Variants in SHC3 observed in about 807,000 individuals in gnomAD.
SHC3 encodes SHC-transforming protein 3.
In SHC3, 15 loss-of-function variants were observed where a neutral mutation model predicts 60.4. That is an observed-to-expected ratio of 0.25 (90% CI 0.17 to 0.38). The LOEUF (loss-of-function observed/expected upper bound fraction) is 0.38, where lower values mean the gene tolerates loss of function less well. Ranked by LOEUF, SHC3 falls within the 10% of genes least tolerant of loss-of-function variation. The pLI is 1.00. For missense variants in SHC3, 677 were observed against 786.1 expected (o/e 0.86, Z 1.66); for synonymous variants, 294 against 325.9 (o/e 0.90, Z 1.05).
chr9:89,069,095 G>A (rs558265037), intron 5 of SHC3, among the ~76,000 whole-genome samples: 2 of 152,308 alleles, frequency 1.3e-5, no homozygotes, highest in South Asian at 4.1e-4. Flanking sequence ...GACCACTTAA[G>A]CCCAGAGTTT....
At position 89,006,503 on chromosome 9, in the gene SHC3, G is replaced by A. The variant is rs562427224; in HGVS notation, c.*6944C>T. The A allele has an allele frequency of 2.0e-5, 3 of 152,314 alleles. No homozygotes were observed. The South Asian group carries it at 6.2e-4, about 32-fold the overall frequency. The allele number at this position is 152,314 out of a possible 1,614,324, so 9.4% of individuals were successfully genotyped here. ...GTAGAAAGTGGTGAATTGGCAATAC[G>A]CCAAGACATAGACTGTTACAGTAAT... On this transcript the variant is annotated 3_prime_UTR_variant, in exon 12 of 12. Transcript: ENST00000375835.
At chr9:89,119,486 C>T (rs568202687) in intron 1 of SHC3, among the ~76,000 whole-genome samples, 1 of 151,590 alleles carries the variant, frequency 6.6e-6, no homozygotes, top group East Asian at 1.9e-4. Context: ...CAGACAAATG[C>T]TAGCAAAAGA....
chr9:89,135,885 A>G (rs1826311788), intron 1 of SHC3, among the ~76,000 whole-genome samples: 1 of 152,144 alleles, frequency 6.6e-6, no homozygotes, highest in Non-Finnish European at 1.5e-5. Context: ...AAGCCTTCTT[A>G]TTTAGTTTAC....
intron 11 of SHC3, among the ~76,000 whole-genome samples, chr9:89,014,394 G>A (rs894058715): frequency 2.0e-5 from 3 of 152,116 alleles, no homozygotes; most frequent in Non-Finnish European, 1.5e-5. Context: ...GCAATTTTTC[G>A]AGGAGGTCTG....
chr9:89,053,299 C>T (rs1165277236), intron 6 of SHC3, among the ~76,000 whole-genome samples: 1 of 152,198 alleles, frequency 6.6e-6, no homozygotes, highest in African/African-American at 2.4e-5. Context: ...GAGGAGGATG[C>T]ATTTCTTCAT....
At chr9:89,115,785 C>A (rs924150699) in intron 1 of SHC3, among the ~76,000 whole-genome samples, 1 of 152,130 alleles carries the variant, frequency 6.6e-6, no homozygotes, top group Admixed American at 6.5e-5. Context: ...TATATGACCA[C>A]CAGCAACAAC....
rs755004897 is a variant in SHC3, at chr9:89,007,325, T to C, written c.*6122A>G. 3.9e-5 allele frequency: 6 copies of C among 152,294 alleles called. No individual in the cohort carries two copies. The highest frequency in any genetic ancestry group is 5.9e-5 in the Non-Finnish European group (4 of 68,078). 9.4% of individuals were successfully genotyped at this position (152,294 alleles called of 1,614,324 possible). A position where few individuals can be genotyped will look rare whatever the true frequency, so the allele number is the denominator to read the frequency against. On this transcript the variant is annotated 3_prime_UTR_variant, in exon 12 of 12. Transcript: ENST00000375835. ...AGCCTCCAGAGTCCCCAGACTGACCTGGGCACTCCACCCTTGCTGGTTCTA... is the reference window on the plus strand; with the variant it reads ...AGCCTCCAGAGTCCCCAGACTGACCCGGGCACTCCACCCTTGCTGGTTCTA...
At chr9:89,056,720 C>T (rs1237877465) in intron 6 of SHC3, among the ~76,000 whole-genome samples, 1 of 152,262 alleles carries the variant, frequency 6.6e-6, no homozygotes, top group Non-Finnish European at 1.5e-5. Flanking sequence ...TCCTGCCCTT[C>T]CTCTGCTATT....
At position 89,046,859 on chromosome 9, in the gene SHC3, A is replaced by G. The variant is rs747071231; in HGVS notation, c.1098T>C (p.Ala366=). The G allele has an allele frequency of 1.2e-6, 2 of 1,604,130 alleles. No homozygotes were observed. The highest frequency in any genetic ancestry group is 8.5e-7 in the Non-Finnish European group (1 of 1,175,824). ...TAAGACTTACCTGGGCTGTGTCAGGAGCATGGGGTCTGGGTTTCAGTCTAG... is the reference window on the plus strand; with the variant it reads ...TAAGACTTACCTGGGCTGTGTCAGGGGCATGGGGTCTGGGTTTCAGTCTAG... ...LDTRLKPRPH[A]PDTAQFAGKE... The change falls in exon 8 of 12, where the codon GCT becomes GCC. Residue 366 remains alanine, a synonymous_variant. Transcript: ENST00000375835.
chr9:89,168,884 T>A (rs1190712453), intron 1 of SHC3, among the ~76,000 whole-genome samples: 1 of 152,144 alleles, frequency 6.6e-6, no homozygotes, highest in Non-Finnish European at 1.5e-5. Context: ...TAGGAGAGAA[T>A]TCCTCTTGTT....
chr9:89,086,603 G>A (rs1026901802), intron 2 of SHC3, among the ~76,000 whole-genome samples: 1 of 152,134 alleles, frequency 6.6e-6, no homozygotes, highest in Non-Finnish European at 1.5e-5. Flanking sequence ...TGATCATATA[G>A]GCAAGATTCA....
chr9:89,145,270 A>C lies in SHC3; in HGVS notation c.475-32644T>G, dbSNP rs116945042. 7.2e-3 allele frequency among the ~76,000 whole-genome samples: 1,092 copies of C among 152,376 alleles called. 33 individuals carry two copies. The highest frequency in any genetic ancestry group is 0.068 in the East Asian group (354 of 5,190). ...CATGCATACATCAGAGGACTGACGC[A>C]TTAGCACAGAGAGCACTAAGAGACC... On this transcript the variant is annotated intron_variant, in intron 1 of 11. Transcript: ENST00000375835.
chr9:89,145,294 C>T (rs1215430688), intron 1 of SHC3, among the ~76,000 whole-genome samples: 4 of 152,156 alleles, frequency 2.6e-5, no homozygotes, highest in Non-Finnish European at 5.9e-5. Context: ...CACTAAGAGA[C>T]CGAAAGTAAA....
intron 11 of SHC3, among the ~76,000 whole-genome samples, chr9:89,028,586 C>T (rs1264956440): frequency 6.9e-6 from 1 of 144,262 alleles, no homozygotes; most frequent in African/African-American, 2.6e-5. Context: ...ATATATTACA[C>T]ACATGTTTAT....
intron 2 of SHC3, among the ~76,000 whole-genome samples, chr9:89,089,552 G>A (rs78973571): frequency 0.014 from 2,080 of 152,186 alleles, 21 homozygotes; most frequent in South Asian, 0.034. Flanking sequence ...TATGCCCCCC[G>A]ACACACTGAA....
At chr9:89,124,262 C>A (rs2118148423) in intron 1 of SHC3, among the ~76,000 whole-genome samples, 1 of 152,286 alleles carries the variant, frequency 6.6e-6, no homozygotes. Context: ...TTAGTTCAGC[C>A]ATTGTGGAAG....
intron 6 of SHC3, among the ~76,000 whole-genome samples, chr9:89,062,546 A>G (rs1056526401): frequency 1.3e-5 from 2 of 152,260 alleles, no homozygotes; most frequent in African/African-American, 4.8e-5. Flanking sequence ...ATATAAGAAT[A>G]TAGAAGCAAG....
At chr9:89,117,722 A>T (rs534916014) in intron 1 of SHC3, among the ~76,000 whole-genome samples, 301 of 152,222 alleles carry the variant, frequency 2.0e-3, no homozygotes, top group Middle Eastern at 0.01. Flanking sequence ...TTAAGTTCTT[A>T]CTAATATTCT....
rs1437945119 is a variant in SHC3 at position 89,083,758 on chromosome 9, CCTCT to C, written c.546-5859_546-5856del. On this transcript the variant is annotated intron_variant, in intron 2 of 11. Transcript: ENST00000375835. Reference sequence around the variant, plus strand: ...ACTCACTCTTTCATCTTGGGGACGGCCTCTCTCTTTTTCTCATGGGTCATTTTCT... The same window carrying C: ...ACTCACTCTTTCATCTTGGGGACGGCCTCTTTTTCTCATGGGTCATTTTCT... Among the ~76,000 whole-genome samples, 4 of 152,260 alleles carry C rather than the reference CCTCT, an allele frequency of 2.6e-5. No individual in the cohort carries two copies. In the South Asian group the frequency reaches 8.3e-4, roughly 32 times the overall value.
Sources: gnomAD v4.1 joint callset for allele counts (sites outside exome capture counted in the v4.1 genomes callset) on GRCh38, gnomAD v4.1.1 for gene constraint, MANE v1.5 for transcripts, NCBI Gene and HGNC (gene_info 2026-07-23, HGNC 2026-07-21) for gene names.